The following ROBO2 variants were observed in gnomAD, a reference collection of about 807,000 sequenced individuals.
ROBO2 encodes the protein roundabout homolog 2.
In ROBO2, 53 loss-of-function variants were observed where a neutral mutation model predicts 160.8. That is an observed-to-expected ratio of 0.33 (90% CI 0.26 to 0.41). The LOEUF (loss-of-function observed/expected upper bound fraction) is 0.41, where lower values mean the gene tolerates loss of function less well. Among genes scored for constraint, ROBO2 ranks in the 10% least tolerant of loss-of-function variants. The pLI, the probability that ROBO2 is intolerant of heterozygous loss-of-function variation, is 1.00. For missense variants in ROBO2, 1,577 were observed against 1,722.4 expected, an observed-to-expected ratio of 0.92 and a Z score of 1.49; for synonymous variants, 664 against 611.7, an observed-to-expected ratio of 1.09 and a Z score of -1.26.
intron 2 of ROBO2, among the ~76,000 whole-genome samples, chr3:76,173,459 T>A (rs2073117097): frequency 6.6e-6 from 1 of 152,046 alleles, no homozygotes; most frequent in Non-Finnish European, 1.5e-5. Flanking sequence ...ATCCGTCATC[T>A]AGGTTTTAAG....
intron 2 of ROBO2, among the ~76,000 whole-genome samples, chr3:76,633,267 T>G (rs1292235742): frequency 6.6e-6 from 1 of 152,176 alleles, no homozygotes; most frequent in Non-Finnish European, 1.5e-5. Flanking sequence ...AAATATTTTC[T>G]TATTTATTTA....
At chr3:76,052,588 G>T (rs959173185) in intron 2 of ROBO2, among the ~76,000 whole-genome samples, 1 of 151,958 alleles carries the variant, frequency 6.6e-6, no homozygotes, top group African/African-American at 2.4e-5. Flanking sequence ...ATTTCTCAGT[G>T]TTTCTGTAAG....
At chr3:77,197,350 A>G (rs765711664) in intron 2 of ROBO2, among the ~76,000 whole-genome samples, 5 of 152,234 alleles carry the variant, frequency 3.3e-5, no homozygotes, top group Admixed American at 2.0e-4. Context: ...CTACTTCGCA[A>G]TGAATATTCA....
chr3:76,621,785 T>C (rs977399364), intron 2 of ROBO2, among the ~76,000 whole-genome samples: 1 of 152,244 alleles, frequency 6.6e-6, no homozygotes, highest in African/African-American at 2.4e-5. Flanking sequence ...ATTTTAAATC[T>C]AGTTTATGAA....
At chr3:76,081,135 GT>G (rs911586323) in intron 2 of ROBO2, among the ~76,000 whole-genome samples, 19 of 147,772 alleles carry the variant, frequency 1.3e-4, no homozygotes, top group Non-Finnish European at 2.5e-4. Context: ...GTGTTTTATA[GT>G]TTTTTTTTAC....
At chr3:75,938,044 T>C (rs1353610689) in intron 2 of ROBO2, among the ~76,000 whole-genome samples, 2 of 151,842 alleles carry the variant, frequency 1.3e-5, no homozygotes, top group Non-Finnish European at 2.9e-5. Flanking sequence ...GTGTTTTACA[T>C]TTTAAAATTT....
rs536629672 is a variant in ROBO2 at position 76,283,495 on chromosome 3, A to G, written c.109+345893A>G. Among the ~76,000 whole-genome samples, 27 of 152,016 alleles carry G rather than the reference A, an allele frequency of 1.8e-4. 1 individual carries two copies. The South Asian group carries it at 5.4e-3, about 30-fold the overall frequency. ...AAAAATCAAGCAGTTTTCGTAAACA[A>G]CCTCAATCTTAAAACATGTGTATTT... On this transcript the variant is annotated intron_variant, in intron 2 of 26. Coordinates refer to the ROBO2 transcript ENST00000487694.
chr3:75,927,088 A>G (rs1947322315), intron 1 of ROBO2, among the ~76,000 whole-genome samples: 1 of 152,204 alleles, frequency 6.6e-6, no homozygotes, highest in Admixed American at 6.5e-5. Flanking sequence ...TGGAAGATAG[A>G]TAAAAGGGAG....
At chr3:76,082,521 G>C (rs1473477233) in intron 2 of ROBO2, among the ~76,000 whole-genome samples, 1 of 152,048 alleles carries the variant, frequency 6.6e-6, no homozygotes, top group Non-Finnish European at 1.5e-5. Context: ...AATAACTCCT[G>C]TGTTCCCTGG....
intron 2 of ROBO2, among the ~76,000 whole-genome samples, chr3:77,224,217 A>G (rs1444822093): frequency 6.6e-6 from 1 of 152,014 alleles, no homozygotes; most frequent in Admixed American, 6.6e-5. Flanking sequence ...GAGGAAAGTA[A>G]AAGGAGTTTT....
chr3:76,196,006 G>A (rs1411812782), intron 2 of ROBO2, among the ~76,000 whole-genome samples: 3 of 152,100 alleles, frequency 2.0e-5, no homozygotes, highest in Admixed American at 6.6e-5. Context: ...CCAGCAAAGA[G>A]TGTAATACCC....
intron 2 of ROBO2, among the ~76,000 whole-genome samples, chr3:76,604,253 T>C (rs376829030): frequency 6.6e-6 from 1 of 152,178 alleles, no homozygotes; most frequent in African/African-American, 2.4e-5. Context: ...CCCAGAGATA[T>C]ACAGTTTTTG....
At chr3:77,223,255 C>T (rs1193404741) in intron 2 of ROBO2, among the ~76,000 whole-genome samples, 1 of 152,102 alleles carries the variant, frequency 6.6e-6, no homozygotes, top group Non-Finnish European at 1.5e-5. Flanking sequence ...TTAAGAATAT[C>T]TGTACCTTCA....
At chr3:76,319,407 C>G (rs914619241) in intron 2 of ROBO2, among the ~76,000 whole-genome samples, 1 of 151,988 alleles carries the variant, frequency 6.6e-6, no homozygotes, top group Non-Finnish European at 1.5e-5. Flanking sequence ...GGATTCTACC[C>G]TCCATAAACT....
chr3:77,549,571 A>G (rs2092836395), intron 7 of ROBO2, among the ~76,000 whole-genome samples: 1 of 152,024 alleles, frequency 6.6e-6, no homozygotes, highest in Non-Finnish European at 1.5e-5. Flanking sequence ...ATAACATGGT[A>G]ATGTTTATGT....
intron 2 of ROBO2, among the ~76,000 whole-genome samples, chr3:77,166,651 C>G (rs764914582): frequency 6.6e-6 from 1 of 152,130 alleles, no homozygotes; most frequent in African/African-American, 2.4e-5. Context: ...CTCCACCTCC[C>G]GGGTTCCCGC....
At chr3:76,527,660 T>A (rs1577909915) in intron 2 of ROBO2, among the ~76,000 whole-genome samples, 1 of 152,198 alleles carries the variant, frequency 6.6e-6, no homozygotes, top group African/African-American at 2.4e-5. Flanking sequence ...TTTAAAAAAA[T>A]ACCCACTGAC....
chr3:77,586,140 C>G (rs1328167503), intron 16 of ROBO2, among the ~76,000 whole-genome samples: 1 of 152,062 alleles, frequency 6.6e-6, no homozygotes, highest in Non-Finnish European at 1.5e-5. Context: ...TGTGCAGTTT[C>G]CTATGGTAAG....
At chr3:77,393,641 A>G (rs994522064) in intron 2 of ROBO2, among the ~76,000 whole-genome samples, 35 of 149,932 alleles carry the variant, frequency 2.3e-4, no homozygotes, top group African/African-American at 8.5e-4. Flanking sequence ...TATAACAACT[A>G]CTTTGCAAAG....
Sources: allele counts gnomAD v4.1 joint callset (sites outside exome capture counted in the v4.1 genomes callset), GRCh38; gene constraint gnomAD v4.1.1; transcripts MANE v1.5; gene names NCBI Gene and HGNC (gene_info 2026-07-23, HGNC 2026-07-21).